The following TRPC6 variants were observed in gnomAD, a reference collection of about 807,000 sequenced individuals.
The protein encoded by TRPC6 is transient receptor potential cation channel subfamily C member 6.
Under a neutral mutation model 90.7 loss-of-function variants are expected in TRPC6, and 55 were observed. The observed-to-expected ratio is 0.61, with a 90% CI of 0.49 to 0.76. The LOEUF is 0.76. Among genes scored for constraint, TRPC6 ranks in the 30% least tolerant of loss-of-function variants. TRPC6 has a pLI of 0.00. For missense variants in TRPC6, 989 were observed against 1,122.7 expected (o/e 0.88, Z 1.70); for synonymous variants, 393 against 393.0 (o/e 1.00, Z 0.00).
At chr11:101,568,704 A>C (rs927283280) in intron 1 of TRPC6, among the ~76,000 whole-genome samples, 1 of 152,208 alleles carries the variant, frequency 6.6e-6, no homozygotes, top group Admixed American at 6.5e-5. Flanking sequence ...AGGAGGGGCC[A>C]ATATTCAACA....
At chr11:101,486,496 A>G (rs1835378700) in intron 4 of TRPC6, among the ~76,000 whole-genome samples, 1 of 152,184 alleles carries the variant, frequency 6.6e-6, no homozygotes, top group African/African-American at 2.4e-5. Context: ...CCACTTAGAA[A>G]TGAAAAAGGT....
chr11:101,476,359 A>G lies in TRPC6; in HGVS notation c.1686T>C (p.Asp562=), dbSNP rs375248575. ...TTACTTTCGTCAAGTCCTTCAAAGTATCATTTGCGTCAATGATGCTCTGGG... is the reference window on the plus strand; with the variant it reads ...TTACTTTCGTCAAGTCCTTCAAAGTGTCATTTGCGTCAATGATGCTCTGGG... ...SKAQSIIDAN[D]TLKDLTKVTL... The change falls in exon 6 of 13, where the codon GAT becomes GAC. Residue 562 remains aspartate (D), a synonymous_variant. Transcript: ENST00000344327. 5.6e-6 allele frequency: 9 copies of G among 1,614,028 alleles called. No homozygotes were observed. The African/African-American group carries it at 8.0e-5, about 14-fold the overall frequency.
At chr11:101,538,365 C>G (rs963798935) in intron 1 of TRPC6, among the ~76,000 whole-genome samples, 3 of 152,098 alleles carry the variant, frequency 2.0e-5, no homozygotes, top group African/African-American at 7.2e-5. Flanking sequence ...TCCAGGGTAA[C>G]TTTCTAATGT....
In TRPC6 at chr11:101,451,749, G is replaced by GAAGT. The variant is rs1858768263; in HGVS notation, c.*1202_*1205dup. 1 of 152,174 alleles carries GAAGT rather than the reference G, an allele frequency of 6.6e-6. No individual in the cohort carries two copies. The highest frequency in any genetic ancestry group is 1.5e-5 in the Non-Finnish European group (1 of 68,036). 9.4% of individuals were successfully genotyped at this position (152,174 alleles called of 1,614,324 possible). On this transcript the variant is annotated 3_prime_UTR_variant, in exon 13 of 13. Coordinates refer to ENST00000344327, the MANE Select transcript of TRPC6 (RefSeq NM_004621.6). ...TCTGCAACCATTTCATCTTTAAGATGAAGTTAAAGATTTGCATTTGAAATC... is the reference window on the plus strand; with the variant it reads ...TCTGCAACCATTTCATCTTTAAGATGAAGTAAGTTAAAGATTTGCATTTGAAATC...
chr11:101,460,710 T>A (rs1245870011), intron 10 of TRPC6, among the ~76,000 whole-genome samples: 1 of 152,170 alleles, frequency 6.6e-6, no homozygotes, highest in Admixed American at 6.5e-5. Flanking sequence ...AAGTCTGCAT[T>A]GTGAATGCAC....
chr11:101,560,461 T>C (rs549652178), intron 1 of TRPC6, among the ~76,000 whole-genome samples: 1 of 152,212 alleles, frequency 6.6e-6, no homozygotes. Context: ...TTTTCATTTC[T>C]TGCACTTAAG....
At chr11:101,528,016 T>C (rs1860821128) in intron 1 of TRPC6, among the ~76,000 whole-genome samples, 2 of 152,068 alleles carry the variant, frequency 1.3e-5, no homozygotes, top group Admixed American at 1.3e-4. Flanking sequence ...GAGGTTGCAA[T>C]GAGCCGAGAT....
intron 1 of TRPC6, among the ~76,000 whole-genome samples, chr11:101,551,044 G>T (rs7116748): frequency 1.3e-5 from 2 of 151,470 alleles, no homozygotes; most frequent in African/African-American, 4.8e-5. Context: ...CTACAAATAC[G>T]TACGTACATA....
At chr11:101,580,461 TTTTAACTATTAAGGCCTTA>T (rs1361765752) in intron 1 of TRPC6, among the ~76,000 whole-genome samples, 3 of 152,170 alleles carry the variant, frequency 2.0e-5, no homozygotes, top group African/African-American at 4.8e-5. Context: ...TTTATTACTA[TTTTAACTATTAAGGCCTTA>T]TTTAACTATT....
At chr11:101,515,067 T>C (rs1308006121) in intron 1 of TRPC6, among the ~76,000 whole-genome samples, 4 of 152,374 alleles carry the variant, frequency 2.6e-5, no homozygotes, top group East Asian at 3.9e-4. Flanking sequence ...AGGGTTACTA[T>C]GAAATTGGTG....
Position 101,491,551 on chromosome 11 carries a change from C to T in TRPC6, c.1128+5G>A, listed in dbSNP as rs1859811590. The T allele has an allele frequency of 6.2e-7, 1 of 1,613,544 alleles. No homozygotes were observed. Among genetic ancestry groups the T allele is most frequent in the Non-Finnish European group, 8.5e-7 (1 of 1,179,730 alleles). On this transcript the variant is annotated splice_donor_5th_base_variant and intron_variant, in intron 3 of 12. Transcript: ENST00000344327. ...AATGTAAACGGGCTTCACGCCTGACCTTACTTTTTTTACTTCATATTTAAT... is the reference window on the plus strand; with the variant it reads ...AATGTAAACGGGCTTCACGCCTGACTTTACTTTTTTTACTTCATATTTAAT...
chr11:101,491,719 G>T lies in TRPC6; in HGVS notation c.965C>A (p.Ser322Ter). 1 of 1,612,898 alleles carries T rather than the reference G, an allele frequency of 6.2e-7. No homozygotes were observed. The highest frequency in any genetic ancestry group is 8.5e-7 in the Non-Finnish European group (1 of 1,179,636). Residue 322 changes from serine to a stop codon, truncating the protein, a stop_gained, in exon 3 of 13, where the codon TCA becomes TAA. Coordinates refer to ENST00000344327, the MANE Select transcript of TRPC6 (RefSeq NM_004621.6). LOFTEE classifies it high-confidence loss of function. ...AACAACAAAGTCTTTGCACTGCATT[G>T]ACAGTTTTTTGTAGTCATTCTAGGA... Reference protein sequence around the residue: ...KEFKNDYKKLSMQCKDFVVGL... With the variant: ...KEFKNDYKKL
intron 1 of TRPC6, among the ~76,000 whole-genome samples, chr11:101,513,489 T>C (rs1033923635): frequency 3.9e-5 from 6 of 152,068 alleles, no homozygotes; most frequent in Non-Finnish European, 4.4e-5. Flanking sequence ...ACACAACCTG[T>C]TCCCAAAAAA....
chr11:101,481,731 T>A (rs1417725707), intron 5 of TRPC6, among the ~76,000 whole-genome samples: 1 of 152,188 alleles, frequency 6.6e-6, no homozygotes, highest in East Asian at 1.9e-4. Flanking sequence ...AGCACTTCCA[T>A]TGAGTCTCAG....
intron 1 of TRPC6, among the ~76,000 whole-genome samples, chr11:101,518,657 C>G (rs1860577893): frequency 6.6e-6 from 1 of 152,160 alleles, no homozygotes; most frequent in African/African-American, 2.4e-5. Flanking sequence ...AAAAATTGAG[C>G]TGCCATATGA....
intron 10 of TRPC6, among the ~76,000 whole-genome samples, chr11:101,456,128 A>G (rs141379741): frequency 1.3e-5 from 2 of 152,328 alleles, no homozygotes; most frequent in Non-Finnish European, 2.9e-5. Context: ...GATAAATTAC[A>G]TAATTCATCA....
intron 1 of TRPC6, among the ~76,000 whole-genome samples, chr11:101,579,219 A>AT (rs995892285): frequency 1.3e-5 from 2 of 151,660 alleles, no homozygotes; most frequent in Non-Finnish European, 2.9e-5. Flanking sequence ...CCTTCCATTA[A>AT]TTTTTTTTAA....
At chr11:101,534,352 T>C (rs1269130871) in intron 1 of TRPC6, among the ~76,000 whole-genome samples, 1 of 152,142 alleles carries the variant, frequency 6.6e-6, no homozygotes, top group Non-Finnish European at 1.5e-5. Flanking sequence ...GCCAGGCTGG[T>C]CTCGAACTCC....
At chr11:101,462,013 T>A (rs1859015560) in intron 10 of TRPC6, among the ~76,000 whole-genome samples, 1 of 152,188 alleles carries the variant, frequency 6.6e-6, no homozygotes, top group Non-Finnish European at 1.5e-5. Context: ...TCACTTGGGG[T>A]CCAGTTTCAG....
Sources: allele counts gnomAD v4.1 joint callset (sites outside exome capture counted in the v4.1 genomes callset), GRCh38; gene constraint gnomAD v4.1.1; transcripts MANE v1.5; gene names NCBI Gene and HGNC (gene_info 2026-07-23, HGNC 2026-07-21).